STXBP5L: variants seen among roughly 807,000 people sequenced by gnomAD.
The protein encoded by STXBP5L is syntaxin-binding protein 5-like.
In STXBP5L, 65 loss-of-function variants were observed where a neutral mutation model predicts 144.5. The ratio of observed to expected loss-of-function variants is 0.45; its 90% CI spans 0.37 to 0.55. The LOEUF is 0.55. STXBP5L is among the 20% of genes least tolerant of loss of function. The pLI, the probability that STXBP5L is intolerant of heterozygous loss-of-function variation, is 0.00. For synonymous variants in STXBP5L, 505 were observed against 469.6 expected (o/e 1.08, Z -0.97); for missense variants, 1,298 against 1,405.5 (o/e 0.92, Z 1.22).
intron 9 of STXBP5L, among the ~76,000 whole-genome samples, chr3:121,186,887 T>C (rs918315374): frequency 1.3e-5 from 2 of 152,116 alleles, no homozygotes; most frequent in African/African-American, 2.4e-5. Context: ...CCAGTTAGAA[T>C]GGCAATCATT....
chr3:121,087,541 T>C lies in STXBP5L; in HGVS notation c.471-27384T>C, dbSNP rs1025278727. 2.0e-5 allele frequency among the ~76,000 whole-genome samples: 3 copies of C among 152,218 alleles called. No individual in the cohort carries two copies. In the South Asian group the frequency reaches 6.2e-4, roughly 31 times the overall value. On this transcript the variant is annotated intron_variant, in intron 5 of 26. Coordinates refer to ENST00000471454, the MANE Select transcript of STXBP5L (RefSeq NM_001308330.2). Reference sequence around the variant, plus strand: ...CACGATATATCTTTGTCTATTCTTATACTTTAAAGTTAGCTATGTTAATAT... The same window carrying C: ...CACGATATATCTTTGTCTATTCTTACACTTTAAAGTTAGCTATGTTAATAT...
chr3:121,219,441 T>A (rs1357782971), intron 10 of STXBP5L, among the ~76,000 whole-genome samples: 1 of 152,136 alleles, frequency 6.6e-6, no homozygotes, highest in Non-Finnish European at 1.5e-5. Context: ...GGGATGTGTT[T>A]TCTTCTCGGT....
chr3:121,145,334 G>T (rs1284972388), intron 7 of STXBP5L, among the ~76,000 whole-genome samples: 4 of 149,742 alleles, frequency 2.7e-5, no homozygotes, highest in Non-Finnish European at 5.9e-5. Flanking sequence ...AATTTATATC[G>T]CTAATAGGTC....
At chr3:121,034,404 G>T (rs1946607334) in intron 3 of STXBP5L, among the ~76,000 whole-genome samples, 1 of 152,044 alleles carries the variant, frequency 6.6e-6, no homozygotes. Flanking sequence ...TTTCTGAGTT[G>T]ATCTAACTTA....
At position 120,997,955 on chromosome 3, in the gene STXBP5L, C is replaced by G. The variant is rs926597369; in HGVS notation, c.287+42918C>G. Among the ~76,000 whole-genome samples, 4 of 152,118 alleles carry G rather than the reference C, an allele frequency of 2.6e-5. No homozygotes were observed. In the East Asian group the frequency reaches 7.7e-4, roughly 29 times the overall value. ...ATGCAAATCAATAATTTTGATTCAT[C>G]ACATAAACAGAGCTAAAGACAAAAA... On this transcript the variant is annotated intron_variant, in intron 3 of 26. Coordinates refer to ENST00000471454, the MANE Select transcript of STXBP5L (RefSeq NM_001308330.2).
rs184163005 is a variant in STXBP5L, at chr3:121,192,327, C to G, written c.878-13596C>G. On this transcript the variant is annotated intron_variant, in intron 9 of 26. Transcript: ENST00000471454. ...CTGCTCTAGGAAATAAAAGGGGACA[C>G]AAACAAATGGAAGAACATTCCATGC... Among the ~76,000 whole-genome samples the G allele has an allele frequency of 4.1e-4, 62 of 152,200 alleles. 1 individual carries two copies. Among genetic ancestry groups the G allele is most frequent in the African/African-American group, 1.4e-3 (58 of 41,532 alleles).
intron 11 of STXBP5L, 34 bp downstream of exon 11, chr3:121,223,191 A>C: frequency 6.4e-7 from 1 of 1,555,734 alleles, no homozygotes; most frequent in African/African-American, 1.4e-5. Flanking sequence ...TAATGTTGAA[A>C]ATCATTTTGG....
At chr3:121,012,247 G>A (rs1345550939) in intron 3 of STXBP5L, among the ~76,000 whole-genome samples, 1 of 151,604 alleles carries the variant, frequency 6.6e-6, no homozygotes, top group Admixed American at 6.6e-5. Flanking sequence ...CTACTTCTTG[G>A]TTATTATAAA....
rs1474594268 is a variant in STXBP5L at position 121,313,442 on chromosome 3, G to A, written c.2111-5033G>A. On this transcript the variant is annotated intron_variant, in intron 19 of 26. Transcript: ENST00000471454. Reference sequence around the variant, plus strand: ...TGGGCGGCTGGCCGGGCGGGGGGCTGACCCCCCCACCTCCCTCCTGGACGG... The same window carrying A: ...TGGGCGGCTGGCCGGGCGGGGGGCTAACCCCCCCACCTCCCTCCTGGACGG... 4.3e-5 allele frequency among the ~76,000 whole-genome samples: 4 copies of A among 92,872 alleles called. 1 individual carries two copies. The highest frequency in any genetic ancestry group is 2.0e-4 in the African/African-American group (4 of 20,422). The allele number at this position is 92,872 out of a possible 152,430, so 60.9% of individuals were successfully genotyped here. A position where few individuals can be genotyped will look rare whatever the true frequency, so the allele number is the denominator to read the frequency against.
At chr3:121,074,871 G>A (rs192766498) in intron 5 of STXBP5L, among the ~76,000 whole-genome samples, 1 of 152,284 alleles carries the variant, frequency 6.6e-6, no homozygotes, top group Admixed American at 6.5e-5. Flanking sequence ...TGAACCTGCT[G>A]TCCTCCAATC....
At chr3:121,278,805 G>C (rs894948043) in intron 18 of STXBP5L, among the ~76,000 whole-genome samples, 1 of 151,608 alleles carries the variant, frequency 6.6e-6, no homozygotes, top group African/African-American at 2.4e-5. Flanking sequence ...ATTAAACCCA[G>C]ATCTGACCAG....
chr3:121,190,530 G>T (rs533596509), intron 9 of STXBP5L, among the ~76,000 whole-genome samples: 6 of 152,054 alleles, frequency 3.9e-5, no homozygotes, highest in Non-Finnish European at 7.4e-5. Flanking sequence ...CGACAAAACC[G>T]CCATCGTCAT....
chr3:121,045,297 AC>A, intron 4 of STXBP5L, 137 bp from the exon 5 acceptor site: 1 of 731,340 alleles, frequency 1.4e-6, no homozygotes. Context: ...AAGTTTATGC[AC>A]CTATCCTTCC....
chr3:121,222,728 C>T (rs1443454534), intron 10 of STXBP5L, among the ~76,000 whole-genome samples: 2 of 152,148 alleles, frequency 1.3e-5, no homozygotes, highest in East Asian at 3.8e-4. Flanking sequence ...TCAGTGAGCA[C>T]ATCTACCTTC....
intron 19 of STXBP5L, among the ~76,000 whole-genome samples, chr3:121,290,039 A>G (rs1421090474): frequency 1.3e-5 from 2 of 152,172 alleles, no homozygotes; most frequent in African/African-American, 4.8e-5. Flanking sequence ...GCAGAAAAAA[A>G]GAAAGAACAA....
chr3:121,001,103 C>G (rs1523507), intron 3 of STXBP5L, among the ~76,000 whole-genome samples: 32,490 of 152,186 alleles, frequency 0.21, 3,702 homozygotes, highest in Non-Finnish European at 0.26. Context: ...GATCCATGCC[C>G]ACATGCATGT....
At chr3:121,369,940 C>G (rs2045980964) in intron 20 of STXBP5L, among the ~76,000 whole-genome samples, 1 of 152,122 alleles carries the variant, frequency 6.6e-6, no homozygotes, top group South Asian at 2.1e-4. Context: ...CTCTGTGTCC[C>G]CACCTAAATC....
chr3:121,247,154 T>A (rs1360042805), intron 14 of STXBP5L, among the ~76,000 whole-genome samples: 1 of 152,192 alleles, frequency 6.6e-6, no homozygotes, highest in Admixed American at 6.5e-5. Flanking sequence ...AAAAAATCAG[T>A]TGGCTATATA....
At chr3:120,944,190 C>A (rs1683984) in intron 2 of STXBP5L, among the ~76,000 whole-genome samples, 1 of 149,442 alleles carries the variant, frequency 6.7e-6, no homozygotes, top group South Asian at 2.1e-4. Context: ...CTTTTTTTTT[C>A]CCTTTGGAAA....
Sources: gnomAD v4.1 joint callset for allele counts (sites outside exome capture counted in the v4.1 genomes callset) on GRCh38, gnomAD v4.1.1 for gene constraint, MANE v1.5 for transcripts, NCBI Gene and HGNC (gene_info 2026-07-23, HGNC 2026-07-21) for gene names.